Variants in LDLRAD4 observed in about 807,000 individuals in gnomAD.
LDLRAD4 encodes low density lipoprotein receptor class A domain containing 4.
A neutral mutation model predicts 17.0 loss-of-function variants in LDLRAD4; 5 were observed. The ratio of observed to expected loss-of-function variants is 0.29; its 90% CI spans 0.15 to 0.62. The LOEUF is 0.62. Ranked by LOEUF, LDLRAD4 falls within the 20% of genes least tolerant of loss-of-function variation. LDLRAD4 has a pLI of 0.84. For synonymous variants in LDLRAD4, 168 were observed against 171.8 expected (o/e 0.98, Z 0.17); for missense variants, 340 against 424.7 (o/e 0.80, Z 1.75).
intron 3 of LDLRAD4, among the ~76,000 whole-genome samples, chr18:13,479,263 AT>A (rs1471315286): frequency 6.6e-6 from 1 of 152,250 alleles, no homozygotes; most frequent in Non-Finnish European, 1.5e-5. Context: ...CATGAAAAAA[AT>A]AATTGAGAAG....
chr18:13,441,123 CT>C (rs2090996033), intron 3 of LDLRAD4, among the ~76,000 whole-genome samples: 1 of 152,228 alleles, frequency 6.6e-6, no homozygotes, highest in Non-Finnish European at 1.5e-5. Flanking sequence ...AGGTGTGTGG[CT>C]TCCCAGGGGA....
At chr18:13,604,909 A>G (rs2095205654) in intron 3 of LDLRAD4, among the ~76,000 whole-genome samples, 1 of 152,132 alleles carries the variant, frequency 6.6e-6, no homozygotes, top group Non-Finnish European at 1.5e-5. Context: ...CCAGGCAGGC[A>G]GGACACATGT....
chr18:13,284,720 G>T (rs562003071), intron 1 of LDLRAD4, among the ~76,000 whole-genome samples: 3 of 152,132 alleles, frequency 2.0e-5, no homozygotes, highest in African/African-American at 7.2e-5. Context: ...GGTGCGGTTT[G>T]GGGGGCAGTG....
chr18:13,369,560 T>C lies in LDLRAD4; in HGVS notation c.-382-17781T>C, dbSNP rs2084307564. 2.6e-5 allele frequency among the ~76,000 whole-genome samples: 4 copies of C among 152,104 alleles called. No homozygotes were observed. The South Asian group carries it at 8.3e-4, about 32-fold the overall frequency. ...GATGAGAGTGGAAGGGAGGCAGTGT[T>C]CGGACCGTGAGAAGACACAGGTGCC... On this transcript the variant is annotated intron_variant, in intron 1 of 5. Coordinates refer to ENST00000359446, the Ensembl canonical transcript of LDLRAD4.
chr18:13,389,059 G>A (rs2086054067), intron 2 of LDLRAD4, among the ~76,000 whole-genome samples: 1 of 152,204 alleles, frequency 6.6e-6, no homozygotes, highest in African/African-American at 2.4e-5. Flanking sequence ...TGGTGTGCGG[G>A]TCATGGCCCA....
intron 1 of LDLRAD4, among the ~76,000 whole-genome samples, chr18:13,368,200 G>T (rs558589128): frequency 6.6e-6 from 1 of 152,234 alleles, no homozygotes; most frequent in Non-Finnish European, 1.5e-5. Flanking sequence ...TGGCATTGGC[G>T]CACGGTTGGC....
chr18:13,531,020 C>T (rs2094119622), intron 3 of LDLRAD4, among the ~76,000 whole-genome samples: 1 of 152,194 alleles, frequency 6.6e-6, no homozygotes, highest in Non-Finnish European at 1.5e-5. Flanking sequence ...TTCGTTTCAT[C>T]TGCTGACCAC....
intron 4 of LDLRAD4, among the ~76,000 whole-genome samples, chr18:13,623,451 C>T (rs1156513358): frequency 1.3e-5 from 2 of 152,256 alleles, no homozygotes; most frequent in East Asian, 1.9e-4. Flanking sequence ...CCGGCTGCAC[C>T]GAGCTATTTC....
At chr18:13,604,808 C>T (rs1036201472) in intron 3 of LDLRAD4, among the ~76,000 whole-genome samples, 12 of 152,180 alleles carry the variant, frequency 7.9e-5, no homozygotes, top group African/African-American at 2.9e-4. Flanking sequence ...CTTCAACACC[C>T]TCCCACCCAG....
intron 3 of LDLRAD4, chr18:13,487,015 A>G (rs1249196455): frequency 2.0e-5 from 3 of 152,176 alleles, no homozygotes; most frequent in Non-Finnish European, 4.4e-5. Flanking sequence ...TTGTGGCTTT[A>G]CTTTGCATTT....
chr18:13,542,083 G>A (rs532106702), intron 3 of LDLRAD4, among the ~76,000 whole-genome samples: 1 of 152,062 alleles, frequency 6.6e-6, no homozygotes, highest in Non-Finnish European at 1.5e-5. Flanking sequence ...TTCTAAAAAA[G>A]GAAAAAGGTC....
At position 13,645,377 on chromosome 18, in the gene LDLRAD4, T is replaced by G; in HGVS notation, c.641T>G (p.Phe214Cys). 1 of 1,614,024 alleles carries G rather than the reference T, an allele frequency of 6.2e-7. No homozygotes were observed. Among genetic ancestry groups the G allele is most frequent in the Non-Finnish European group, 8.5e-7 (1 of 1,179,986 alleles). ...AGGGCCCCACCCAACCGAACCATAT[T>G]TGACAGTGATTTAATAGACATTGCT... The change falls in exon 6 of 6, where the codon TTT (phenylalanine) becomes TGT (cysteine). Residue 214 changes from phenylalanine to cysteine, a missense_variant. Transcript: ENST00000359446. The surrounding 1 kb of genome is among the most constrained non-coding windows in gnomAD (Gnocchi z 5.7).
At chr18:13,308,235 T>C (rs1473598037) in intron 1 of LDLRAD4, among the ~76,000 whole-genome samples, 1 of 152,144 alleles carries the variant, frequency 6.6e-6, no homozygotes, top group Non-Finnish European at 1.5e-5. Flanking sequence ...CCCACACCTC[T>C]CCTCTGCCTT....
chr18:13,575,418 A>G (rs1215067227), intron 3 of LDLRAD4, among the ~76,000 whole-genome samples: 1 of 152,220 alleles, frequency 6.6e-6, no homozygotes, highest in African/African-American at 2.4e-5. Flanking sequence ...TTTATGGCTG[A>G]GTAGTATTCC....
At chr18:13,280,882 C>A (rs1485472864) in intron 1 of LDLRAD4, among the ~76,000 whole-genome samples, 1 of 152,190 alleles carries the variant, frequency 6.6e-6, no homozygotes, top group East Asian at 1.9e-4. Flanking sequence ...GAAAAAATAA[C>A]CTTAGACCCA....
chr18:13,273,869 C>G (rs2044704228), upstream of LDLRAD4, among the ~76,000 whole-genome samples: 1 of 152,214 alleles, frequency 6.6e-6, no homozygotes, highest in Non-Finnish European at 1.5e-5. Context: ...TCCACCCACT[C>G]TGCCTCTTCT....
At chr18:13,624,737 A>G (rs1205001118) in intron 4 of LDLRAD4, among the ~76,000 whole-genome samples, 1 of 152,104 alleles carries the variant, frequency 6.6e-6, no homozygotes, top group Admixed American at 6.5e-5. Flanking sequence ...GCCCCCTCCC[A>G]AGGGGCTTGG....
chr18:13,234,537 C>T (rs2042241534), intron 1 of LDLRAD4, among the ~76,000 whole-genome samples: 4 of 149,966 alleles, frequency 2.7e-5, no homozygotes, highest in African/African-American at 7.4e-5. Flanking sequence ...GGTCCACAGA[C>T]TCGTAGGCCT....
At chr18:13,301,731 G>A (rs1257589070) in intron 1 of LDLRAD4, among the ~76,000 whole-genome samples, 1 of 152,174 alleles carries the variant, frequency 6.6e-6, no homozygotes, top group Admixed American at 6.5e-5. Flanking sequence ...ACCCTCACTA[G>A]GCCCCATTGC....
Sources: allele counts gnomAD v4.1 joint callset (sites outside exome capture counted in the v4.1 genomes callset), GRCh38; gene constraint gnomAD v4.1.1; non-coding constraint Gnocchi (gnomAD v3.1); transcripts MANE v1.5; gene names NCBI Gene and HGNC (gene_info 2026-07-23, HGNC 2026-07-21).